The following SENP7 variants were observed in gnomAD, a reference collection of about 807,000 sequenced individuals.
SENP7 encodes sentrin-specific protease 7.
A neutral mutation model predicts 141.2 loss-of-function variants in SENP7; 64 were observed. The observed-to-expected ratio is 0.45, with a 90% CI of 0.37 to 0.56. SENP7 has a LOEUF of 0.56. Among genes scored for constraint, SENP7 ranks in the 20% least tolerant of loss-of-function variants. The pLI is 0.00. For missense variants in SENP7, 1,025 were observed against 1,212.2 expected (o/e 0.85, Z 2.29); for synonymous variants, 382 against 426.4 (o/e 0.90, Z 1.28).
At chr3:101,480,615 C>G (rs1387803678) in intron 3 of SENP7, among the ~76,000 whole-genome samples, 2 of 152,238 alleles carry the variant, frequency 1.3e-5, no homozygotes, top group East Asian at 3.9e-4. Context: ...GATTTTATGA[C>G]TAAGACCTCA....
At chr3:101,449,413 A>G (rs924041567) in intron 4 of SENP7, among the ~76,000 whole-genome samples, 1 of 152,122 alleles carries the variant, frequency 6.6e-6, no homozygotes, top group Non-Finnish European at 1.5e-5. Flanking sequence ...CCAAGACATA[A>G]TTGTAAGATT....
chr3:101,501,649 T>C (rs2065385185), intron 1 of SENP7, among the ~76,000 whole-genome samples: 1 of 152,206 alleles, frequency 6.6e-6, no homozygotes, highest in Admixed American at 6.5e-5. Flanking sequence ...TTTTTCTGAG[T>C]TATAACTTCC....
intron 4 of SENP7, among the ~76,000 whole-genome samples, chr3:101,450,371 C>T (rs1436098367): frequency 2.6e-5 from 4 of 152,060 alleles, no homozygotes; most frequent in East Asian, 1.9e-4. Context: ...ACCTAATAGA[C>T]ATCTACAGAA....
chr3:101,380,617 C>G lies in SENP7; in HGVS notation c.678-8491G>C, dbSNP rs372238006. Among the ~76,000 whole-genome samples, 69 of 142,638 alleles carry G rather than the reference C, an allele frequency of 4.8e-4. No homozygotes were observed. The South Asian group carries it at 0.015, about 32-fold the overall frequency. The allele number at this position is 142,638 out of a possible 152,430, so 93.6% of individuals were successfully genotyped here. A position where few individuals can be genotyped will look rare whatever the true frequency, so the allele number is the denominator to read the frequency against. On this transcript the variant is annotated intron_variant, in intron 6 of 23. Transcript: ENST00000394095. ...AATAGCCACTGCACTCCAGCCTGGGCAACATAGCAAGACCTATCTCTAAAA... is the reference window on the plus strand; with the variant it reads ...AATAGCCACTGCACTCCAGCCTGGGGAACATAGCAAGACCTATCTCTAAAA...
chr3:101,485,906 T>C (rs6779775), intron 3 of SENP7, among the ~76,000 whole-genome samples: 15,148 of 152,050 alleles, frequency 0.1, 938 homozygotes, highest in African/African-American at 0.17. Flanking sequence ...AATAGATCGC[T>C]TAAAGAAAAA....
rs564874801 is a variant in SENP7 at position 101,469,750 on chromosome 3, G to A, written c.187-10698C>T. Among the ~76,000 whole-genome samples, 133 of 101,122 alleles carry A rather than the reference G, an allele frequency of 1.3e-3. 21 individuals carry two copies. The highest frequency in any genetic ancestry group is 4.1e-3 in the African/African-American group (119 of 29,276). 66.3% of individuals were successfully genotyped at this position (101,122 alleles called of 152,430 possible). On this transcript the variant is annotated intron_variant, in intron 3 of 23. Coordinates refer to ENST00000394095, the MANE Select transcript of SENP7 (RefSeq NM_020654.5). ...GAGGCAGGAGAATGGCGTGAACCTG[G>A]GAAGCGGAGCTTGCAGTGAGCCGAG...
Position 101,367,911 on chromosome 3 carries a change from G to A in SENP7, c.897C>T (p.Ser299=), listed in dbSNP as rs770720339. 4.3e-6 allele frequency: 7 copies of A among 1,611,298 alleles called. No homozygotes were observed. Among genetic ancestry groups the A allele is most frequent in the Admixed American group, 1.7e-5 (1 of 59,946 alleles). ...TTCTAAGCCTTCTCTTTGTCTTCCT[G>A]GAAATCAGAGTGAGTTCCACTTTTG... ...SDSKVELTLI[S]RKTKRRLRNN... Residue 299 remains serine, a synonymous_variant, in exon 8 of 24, where the codon TCC becomes TCT. Coordinates refer to ENST00000394095, the MANE Select transcript of SENP7 (RefSeq NM_020654.5).
intron 3 of SENP7, among the ~76,000 whole-genome samples, chr3:101,465,071 A>G (rs1364903402): frequency 6.6e-6 from 1 of 152,102 alleles, no homozygotes; most frequent in Non-Finnish European, 1.5e-5. Flanking sequence ...AATGTCACCA[A>G]TGTACATCAT....
intron 16 of SENP7, among the ~76,000 whole-genome samples, chr3:101,338,537 T>C (rs2059248537): frequency 6.6e-6 from 1 of 152,198 alleles, no homozygotes; most frequent in African/African-American, 2.4e-5. Flanking sequence ...TGTGTGATTG[T>C]TTTTTAAAAA....
intron 11 of SENP7, chr3:101,358,152 C>T (rs2059794625): frequency 1.9e-6 from 1 of 525,890 alleles, no homozygotes; most frequent in Non-Finnish European, 3.3e-6. Flanking sequence ...TAAGATAATT[C>T]ATACTGGAGA....
At chr3:101,459,108 T>A in intron 3 of SENP7, 56 bp from the exon 4 acceptor site, 1 of 954,530 alleles carries the variant, frequency 1.0e-6, no homozygotes, top group Non-Finnish European at 1.6e-6. Flanking sequence ...ACAAGAGGCA[T>A]TTAAACTGTT....
intron 10 of SENP7, among the ~76,000 whole-genome samples, chr3:101,362,350 C>T (rs575318223): frequency 2.0e-5 from 3 of 152,222 alleles, no homozygotes; most frequent in East Asian, 1.9e-4. Context: ...TAAAATCATG[C>T]GATTAGTAAG....
intron 3 of SENP7, among the ~76,000 whole-genome samples, chr3:101,489,387 C>A (rs1207898699): frequency 6.6e-6 from 1 of 152,132 alleles, no homozygotes; most frequent in African/African-American, 2.4e-5. Flanking sequence ...AAAGACAAGA[C>A]CCAACCATCT....
At chr3:101,442,578 G>A (rs1378493241) in intron 4 of SENP7, among the ~76,000 whole-genome samples, 1 of 152,106 alleles carries the variant, frequency 6.6e-6, no homozygotes, top group Admixed American at 6.5e-5. Flanking sequence ...CATGGCTCCA[G>A]GGGTTGGGGA....
At chr3:101,379,473 A>C (rs1393733171) in intron 6 of SENP7, among the ~76,000 whole-genome samples, 1 of 152,152 alleles carries the variant, frequency 6.6e-6, no homozygotes, top group Non-Finnish European at 1.5e-5. Flanking sequence ...AGAATATATA[A>C]AGAAATCCTA....
chr3:101,478,007 C>G (rs569861292), intron 3 of SENP7, among the ~76,000 whole-genome samples: 60 of 151,844 alleles, frequency 4.0e-4, no homozygotes, highest in Admixed American at 3.9e-3. Flanking sequence ...GGCTAACACA[C>G]ACACATACCC....
chr3:101,342,881 G>A (rs2059363648), intron 14 of SENP7, among the ~76,000 whole-genome samples: 1 of 152,054 alleles, frequency 6.6e-6, no homozygotes, highest in African/African-American at 2.4e-5. Context: ...GGCCAAGATG[G>A]TCTCAATGTC....
Position 101,398,900 on chromosome 3 carries a change from T to C in SENP7, c.638A>G (p.Gln213Arg). 6.2e-7 allele frequency: 1 copy of C among 1,610,672 alleles called. No individual in the cohort carries two copies. The highest frequency in any genetic ancestry group is 1.3e-5 in the African/African-American group (1 of 75,012). ...ACAGCTCTTGTGAGGGTTTAGATTT[T>C]GATAAGATTCTAGGCTGCCATCAGA... ...SSSDGSLESY[Q>R]NLNPHKSCYL... The change falls in exon 6 of 24, where the codon CAA becomes CGA. Residue 213 changes from glutamine to arginine, a missense_variant. Physicochemically the swap from Gln to Arg is conservative, Grantham distance 43. Transcript: ENST00000394095.
intron 3 of SENP7, among the ~76,000 whole-genome samples, chr3:101,473,373 TCTCCA>T (rs922050611): frequency 2.0e-5 from 3 of 152,206 alleles, no homozygotes; most frequent in Non-Finnish European, 2.9e-5. Context: ...CATTCCTTTT[TCTCCA>T]CAACCTCACC....
Sources: allele counts gnomAD v4.1 joint callset (sites outside exome capture counted in the v4.1 genomes callset), GRCh38; gene constraint gnomAD v4.1.1; transcripts MANE v1.5; gene names NCBI Gene and HGNC (gene_info 2026-07-23, HGNC 2026-07-21).